TTC28: variants seen among roughly 807,000 people sequenced by gnomAD.
TTC28 encodes tetratricopeptide repeat domain 28.
Under a neutral mutation model 198.0 loss-of-function variants are expected in TTC28, and 61 were observed. That is an observed-to-expected ratio of 0.31 (90% CI 0.25 to 0.38). The LOEUF is 0.38. Among genes scored for constraint, TTC28 ranks in the 10% least tolerant of loss-of-function variants. The pLI is 1.00. For synonymous variants in TTC28, 1,171 were observed against 1,297.8 expected (o/e 0.90, Z 2.10); for missense variants, 2,678 against 3,164.0 (o/e 0.85, Z 3.69).
chr22:28,474,295 G>C (rs1218766789), intron 2 of TTC28, among the ~76,000 whole-genome samples: 1 of 152,182 alleles, frequency 6.6e-6, no homozygotes, highest in Admixed American at 6.5e-5. Flanking sequence ...GGAAAGCTGA[G>C]AAGCAAACCA....
At chr22:28,098,486 A>G (rs1942038254) in intron 10 of TTC28, among the ~76,000 whole-genome samples, 1 of 151,970 alleles carries the variant, frequency 6.6e-6, no homozygotes, top group South Asian at 2.1e-4. Context: ...CCAAGGCAGG[A>G]GCATTGCCTG....
intron 1 of TTC28, among the ~76,000 whole-genome samples, chr22:28,678,784 A>G (rs377193203): frequency 2.1e-4 from 31 of 146,072 alleles, no homozygotes; most frequent in East Asian, 8.3e-4. Flanking sequence ...CCAAGATGCC[A>G]TGGTGAGGTA....
Position 28,098,959 on chromosome 22 carries a change from T to C in TTC28, c.3503A>G (p.Gln1168Arg). 2 of 1,551,830 alleles carry C rather than the reference T, an allele frequency of 1.3e-6. No homozygotes were observed. Among genetic ancestry groups the C allele is most frequent in the Non-Finnish European group, 8.7e-7 (1 of 1,147,016 alleles). Residue 1168 changes from glutamine to arginine, a missense_variant, in exon 10 of 23, where the codon CAG becomes CGG. Gln to Arg is a conservative substitution (Grantham distance 43). This residue lies in a region of TTC28 where 727 missense variants were observed against 861.9 expected (regional missense o/e 0.84). Transcript: ENST00000397906. ...TDYKLSLFDL[Q>R]TSSYQALQRV... ...CTGCAAGGCCTGGTAGGATGATGTC[T>C]GCAGGTCAAAGAGGGAGAGTTTGTA...
chr22:27,999,364 G>A, intron 15 of TTC28, 104 bp from the exon 16 acceptor site: 1 of 1,428,250 alleles, frequency 7.0e-7, no homozygotes, highest in Non-Finnish European at 9.2e-7. Flanking sequence ...TGCTGGTTGA[G>A]CTTGAATCCA....
At chr22:28,162,086 A>T (rs979972591) in intron 6 of TTC28, among the ~76,000 whole-genome samples, 1 of 152,194 alleles carries the variant, frequency 6.6e-6, no homozygotes. Flanking sequence ...TCATACTTCC[A>T]AACACACCTT....
intron 2 of TTC28, among the ~76,000 whole-genome samples, chr22:28,480,511 T>G (rs1291804604): frequency 6.6e-6 from 1 of 152,186 alleles, no homozygotes; most frequent in Non-Finnish European, 1.5e-5. Context: ...TCGTTCTAAT[T>G]CTGTCAAAAG....
chr22:28,461,141 A>G (rs962348855), intron 2 of TTC28, among the ~76,000 whole-genome samples: 3 of 151,914 alleles, frequency 2.0e-5, no homozygotes, highest in East Asian at 1.9e-4. Flanking sequence ...TCATTATTTC[A>G]TTTTCTATAT....
At chr22:28,507,393 G>A (rs942679663) in intron 2 of TTC28, among the ~76,000 whole-genome samples, 1 of 152,196 alleles carries the variant, frequency 6.6e-6, no homozygotes, top group African/African-American at 2.4e-5. Context: ...AAACCTCAAA[G>A]AAATATGATA....
At chr22:28,204,817 C>T (rs1193972568) in intron 5 of TTC28, among the ~76,000 whole-genome samples, 6 of 152,102 alleles carry the variant, frequency 3.9e-5, no homozygotes, top group South Asian at 2.1e-4. Context: ...CTACAGGGAA[C>T]ACTAGAGAAA....
At chr22:28,378,319 C>G (rs2046443407) in intron 2 of TTC28, among the ~76,000 whole-genome samples, 1 of 137,242 alleles carries the variant, frequency 7.3e-6, no homozygotes, top group South Asian at 2.3e-4. Flanking sequence ...GCACTCCAAT[C>G]TAGGATACAG....
rs1462149735 is a variant in TTC28, at chr22:28,094,123, C to T, written c.3889G>A (p.Ala1297Thr). 1.3e-6 allele frequency: 2 copies of T among 1,551,284 alleles called. No homozygotes were observed. Among genetic ancestry groups the T allele is most frequent in the Non-Finnish European group, 1.7e-6 (2 of 1,146,804 alleles). ...ACCCCCAGGGCCTCCCGGACACTGG[C>T]AATGTGCTGCTCCAGGGCTGAGCCG... ...ATGSALEQHI[A>T]SVREALGVES... is the part of the protein sequence containing the mutation. The change falls in exon 12 of 23, where the codon GCC (alanine) becomes ACC (threonine). Residue 1297 changes from alanine to threonine, a missense_variant. By Grantham distance (58) the Ala-to-Thr change is moderately conservative. This residue lies in a region of TTC28 where 727 missense variants were observed against 861.9 expected (regional missense o/e 0.84). Coordinates refer to ENST00000397906, the MANE Select transcript of TTC28 (RefSeq NM_001145418.2).
At chr22:28,004,988 G>A (rs570243299) in intron 14 of TTC28, among the ~76,000 whole-genome samples, 2 of 152,290 alleles carry the variant, frequency 1.3e-5, no homozygotes, top group South Asian at 2.1e-4. Context: ...AGTGGCTCAC[G>A]CACCAGCCTT....
chr22:28,048,167 G>A (rs1939940998), intron 12 of TTC28, among the ~76,000 whole-genome samples: 1 of 152,000 alleles, frequency 6.6e-6, no homozygotes, highest in Admixed American at 6.6e-5. Context: ...AGAAGTGAAG[G>A]TGAGGAAGCT....
intron 2 of TTC28, among the ~76,000 whole-genome samples, chr22:28,358,380 C>T (rs1411575094): frequency 6.6e-6 from 1 of 152,168 alleles, no homozygotes; most frequent in Non-Finnish European, 1.5e-5. Context: ...CTCTTTTTAT[C>T]CATCTCGAGG....
chr22:28,163,839 G>A (rs1321220550), intron 5 of TTC28, among the ~76,000 whole-genome samples: 3 of 152,168 alleles, frequency 2.0e-5, no homozygotes, highest in Non-Finnish European at 4.4e-5. Flanking sequence ...GCTGAAGCAC[G>A]GCGAGGCATT....
At chr22:28,043,204 C>CTGCA (rs1262190954) in intron 12 of TTC28, among the ~76,000 whole-genome samples, 5 of 122,234 alleles carry the variant, frequency 4.1e-5, no homozygotes, top group Non-Finnish European at 7.9e-5. Context: ...GATCACGCCA[C>CTGCA]TGCACTCCAG....
At chr22:28,328,729 G>A (rs1005709265) in intron 2 of TTC28, among the ~76,000 whole-genome samples, 3 of 148,540 alleles carry the variant, frequency 2.0e-5, no homozygotes, top group African/African-American at 7.4e-5. Flanking sequence ...ACTCCAGCCT[G>A]AGCCACAGAT....
chr22:28,301,755 TA>T (rs1303635172), intron 3 of TTC28, among the ~76,000 whole-genome samples: 2 of 152,088 alleles, frequency 1.3e-5, no homozygotes, highest in African/African-American at 4.8e-5. Flanking sequence ...TTGTAATACA[TA>T]AAATAATGAG....
chr22:28,606,675 C>T (rs2050741577), intron 2 of TTC28, among the ~76,000 whole-genome samples: 1 of 152,056 alleles, frequency 6.6e-6, no homozygotes. Flanking sequence ...TATGTATATA[C>T]ATGCAATGTA....
Sources: gnomAD v4.1 joint callset for allele counts (sites outside exome capture counted in the v4.1 genomes callset) on GRCh38, gnomAD v4.1.1 for gene constraint, gnomAD v4.1.1 regional missense constraint, MANE v1.5 for transcripts, NCBI Gene and HGNC (gene_info 2026-07-23, HGNC 2026-07-21) for gene names.